The following CSMD1 variants were observed in gnomAD, a reference collection of about 807,000 sequenced individuals.
CSMD1 encodes the protein CUB and Sushi multiple domains 1.
In CSMD1, 213 loss-of-function variants were observed where a neutral mutation model predicts 417.5. That is an observed-to-expected ratio of 0.51 (90% CI 0.46 to 0.57). The LOEUF is 0.57. Ranked by LOEUF, CSMD1 falls within the 20% of genes least tolerant of loss-of-function variation. The pLI is 0.00. For missense variants in CSMD1, 6,923 were observed against 4,529.7 expected, an observed-to-expected ratio of 1.53 and a Z score of -15.17; for synonymous variants, 2,862 against 1,736.8, an observed-to-expected ratio of 1.65 and a Z score of -16.11.
intron 1 of CSMD1, among the ~76,000 whole-genome samples, chr8:4,741,374 A>C (rs1363738382): frequency 6.6e-6 from 1 of 152,244 alleles, no homozygotes; most frequent in Non-Finnish European, 1.5e-5. Flanking sequence ...GCATATTGAA[A>C]GGACACTATT....
At chr8:3,116,296 G>A (rs1046090680) in intron 42 of CSMD1, among the ~76,000 whole-genome samples, 3 of 152,088 alleles carry the variant, frequency 2.0e-5, no homozygotes, top group Admixed American at 6.5e-5. Flanking sequence ...AGGTTTACGA[G>A]TACTGGTAAA....
chr8:3,646,607 G>A (rs975965611), intron 7 of CSMD1, among the ~76,000 whole-genome samples: 1 of 152,134 alleles, frequency 6.6e-6, no homozygotes, highest in South Asian at 2.1e-4. Flanking sequence ...AGCAGTCAGG[G>A]AACCACTAAA....
chr8:4,248,463 G>C (rs564811511), intron 3 of CSMD1, among the ~76,000 whole-genome samples: 10 of 152,164 alleles, frequency 6.6e-5, no homozygotes, highest in African/African-American at 1.9e-4. Context: ...AAGTAAAAAG[G>C]TCAGTCGTTA....
intron 65 of CSMD1, among the ~76,000 whole-genome samples, chr8:2,953,418 C>G (rs988772322): frequency 1.1e-4 from 16 of 146,552 alleles, no homozygotes; most frequent in African/African-American, 3.7e-4. Flanking sequence ...TACAAATACT[C>G]TTTCCATGTT....
intron 5 of CSMD1, among the ~76,000 whole-genome samples, chr8:3,884,932 CAT>C (rs148153076): frequency 2.7e-4 from 26 of 96,838 alleles, no homozygotes; most frequent in Admixed American, 9.7e-4. Context: ...TATATATATT[CAT>C]ATATATATAT....
intron 3 of CSMD1, among the ~76,000 whole-genome samples, chr8:4,215,646 T>G (rs573714075): frequency 6.6e-6 from 1 of 152,166 alleles, no homozygotes. Flanking sequence ...CATACAAGAA[T>G]TGAAAATAAT....
chr8:4,897,743 C>T (rs1367062886), intron 1 of CSMD1, among the ~76,000 whole-genome samples: 5 of 152,042 alleles, frequency 3.3e-5, no homozygotes, highest in African/African-American at 1.2e-4. Context: ...TTCTACTCAT[C>T]AACTGTTACT....
At chr8:4,692,125 G>A (rs1209425738) in intron 1 of CSMD1, among the ~76,000 whole-genome samples, 2 of 152,052 alleles carry the variant, frequency 1.3e-5, no homozygotes, top group African/African-American at 4.8e-5. Context: ...ACTCAGCCCA[G>A]GGGCTCCACC....
intron 26 of CSMD1, among the ~76,000 whole-genome samples, chr8:3,242,038 G>A (rs1021555814): frequency 1.3e-5 from 1 of 74,686 alleles, no homozygotes; most frequent in Non-Finnish European, 3.4e-5. Context: ...GCCATGAACT[G>A]GGCTGGATTT....
Position 3,872,610 on chromosome 8 carries a change from G to A in CSMD1, c.819-118568C>T, listed in dbSNP as rs57905192. ...TTCAGTAAAAAGGCATTCATTTCAT[G>A]TCAGTTTCCACAATCCATTCATTTT... On this transcript the variant is annotated intron_variant, in intron 5 of 69. Transcript: ENST00000635120. 5.0e-3 allele frequency among the ~76,000 whole-genome samples: 763 copies of A among 152,236 alleles called. 5 individuals carry two copies. Among genetic ancestry groups the A allele is most frequent in the African/African-American group, 0.018 (729 of 41,506 alleles).
intron 5 of CSMD1, among the ~76,000 whole-genome samples, chr8:3,892,000 C>T (rs1807004505): frequency 6.7e-6 from 1 of 150,032 alleles, no homozygotes; most frequent in African/African-American, 2.5e-5. Context: ...GCACACGATA[C>T]TATCACCAAC....
intron 26 of CSMD1, among the ~76,000 whole-genome samples, chr8:3,271,986 G>A (rs573180819): frequency 1.3e-5 from 2 of 151,942 alleles, no homozygotes; most frequent in African/African-American, 2.4e-5. Context: ...TTTTGTGTTT[G>A]AGACATGCAG....
At chr8:3,675,970 A>G (rs946123754) in intron 7 of CSMD1, among the ~76,000 whole-genome samples, 1 of 152,156 alleles carries the variant, frequency 6.6e-6, no homozygotes, top group African/African-American at 2.4e-5. Context: ...CAGGCCTGCC[A>G]TCTTCCCAGT....
At chr8:3,312,553 T>G (rs1409950357) in intron 23 of CSMD1, among the ~76,000 whole-genome samples, 1 of 152,212 alleles carries the variant, frequency 6.6e-6, no homozygotes, top group Non-Finnish European at 1.5e-5. Context: ...TCAAAGCTCC[T>G]CGCAGGATTT....
chr8:4,864,541 A>T (rs980421604), intron 1 of CSMD1, among the ~76,000 whole-genome samples: 2 of 151,694 alleles, frequency 1.3e-5, no homozygotes, highest in African/African-American at 4.8e-5. Flanking sequence ...TTATGGGCAG[A>T]GTGATCATCA....
At chr8:3,114,723 T>C (rs1447456034) in intron 42 of CSMD1, among the ~76,000 whole-genome samples, 9 of 152,256 alleles carry the variant, frequency 5.9e-5, no homozygotes, top group African/African-American at 1.7e-4. Flanking sequence ...GTTATTTTTA[T>C]TCTCTATTAT....
intron 10 of CSMD1, among the ~76,000 whole-genome samples, chr8:3,516,534 A>T (rs1797289442): frequency 6.6e-6 from 1 of 152,228 alleles, no homozygotes. Flanking sequence ...TGTGAGAAGC[A>T]CATCACATTA....
rs1025415441 is a variant in CSMD1 at position 4,866,452 on chromosome 8, CTTTTG to C, written c.85+127875_85+127879del. Among the ~76,000 whole-genome samples, 124 of 151,986 alleles carry C rather than the reference CTTTTG, an allele frequency of 8.2e-4. 1 individual carries two copies. Among genetic ancestry groups the C allele is most frequent in the Middle Eastern group, 6.8e-3 (2 of 292 alleles). On this transcript the variant is annotated intron_variant, in intron 1 of 69. Coordinates refer to ENST00000635120, the MANE Select transcript of CSMD1 (RefSeq NM_033225.6). The stretch of plus-strand genomic sequence containing the variant: ...TGATAAAAGAAGTTTGTTCTATTCT[CTTTTG>C]TTTTTTTCTTTAAAAAGTGCATTTT...
intron 1 of CSMD1, among the ~76,000 whole-genome samples, chr8:4,923,767 A>G (rs936924371): frequency 2.6e-5 from 4 of 152,184 alleles, no homozygotes; most frequent in Non-Finnish European, 5.9e-5. Flanking sequence ...ATTCTATTAT[A>G]TATCTCCAAG....
Sources: gnomAD v4.1 joint callset for allele counts (sites outside exome capture counted in the v4.1 genomes callset) on GRCh38, gnomAD v4.1.1 for gene constraint, MANE v1.5 for transcripts, NCBI Gene and HGNC (gene_info 2026-07-23, HGNC 2026-07-21) for gene names.